The following RSRC1 variants were observed in gnomAD, a reference collection of about 807,000 sequenced individuals.
RSRC1 encodes serine/Arginine-related protein 53.
Under a neutral mutation model 49.1 loss-of-function variants are expected in RSRC1, and 39 were observed. The observed-to-expected ratio is 0.79, with a 90% CI of 0.61 to 1.04. The LOEUF (loss-of-function observed/expected upper bound fraction) is 1.04, where lower values mean the gene tolerates loss of function less well. Among genes scored for constraint, RSRC1 ranks in the 50% least tolerant of loss-of-function variants. RSRC1 has a pLI of 0.00. For synonymous variants in RSRC1, 143 were observed against 130.8 expected (o/e 1.09, Z -0.63); for missense variants, 388 against 402.4 (o/e 0.96, Z 0.31).
At chr3:158,491,574 A>T (rs1279360891) in intron 7 of RSRC1, among the ~76,000 whole-genome samples, 1 of 152,204 alleles carries the variant, frequency 6.6e-6, no homozygotes, top group East Asian at 1.9e-4. Flanking sequence ...TGTATGTTTT[A>T]ACTGATTGAC....
intron 5 of RSRC1, chr3:158,303,185 A>C (rs1429278068): frequency 6.6e-6 from 1 of 152,230 alleles, no homozygotes; most frequent in African/African-American, 2.4e-5. Context: ...GCAAACTATA[A>C]AAATGATGCT....
intron 6 of RSRC1, among the ~76,000 whole-genome samples, chr3:158,408,046 T>C (rs1734243632): frequency 6.6e-6 from 1 of 152,156 alleles, no homozygotes; most frequent in Admixed American, 6.5e-5. Context: ...TTCTTATCTG[T>C]AAAATGAGGA....
At chr3:158,241,474 T>A (rs1262309810) in intron 4 of RSRC1, among the ~76,000 whole-genome samples, 4 of 151,236 alleles carry the variant, frequency 2.6e-5, no homozygotes, top group Admixed American at 2.6e-4. Flanking sequence ...ATATATATAT[T>A]ATAAAAATAT....
chr3:158,181,204 T>A (rs1719605948), intron 3 of RSRC1, among the ~76,000 whole-genome samples: 1 of 152,162 alleles, frequency 6.6e-6, no homozygotes, highest in Non-Finnish European at 1.5e-5. Flanking sequence ...TCCTGAAAAT[T>A]TATGAAATCC....
intron 6 of RSRC1, among the ~76,000 whole-genome samples, chr3:158,447,917 A>G (rs1007835131): frequency 1.3e-5 from 2 of 151,908 alleles, no homozygotes; most frequent in Non-Finnish European, 2.9e-5. Context: ...ATTTTTAAAA[A>G]GATTGCTTAC....
intron 4 of RSRC1, among the ~76,000 whole-genome samples, chr3:158,203,778 T>C (rs1402468115): frequency 1.3e-5 from 2 of 152,194 alleles, no homozygotes; most frequent in African/African-American, 4.8e-5. Flanking sequence ...AGAGTGAGTG[T>C]ATCTGCTTAT....
chr3:158,156,999 C>T (rs1717917662), intron 3 of RSRC1, among the ~76,000 whole-genome samples: 1 of 152,160 alleles, frequency 6.6e-6, no homozygotes, highest in Non-Finnish European at 1.5e-5. Flanking sequence ...GTAAAAGTCA[C>T]AATATCTGCA....
rs145703020 is a variant in RSRC1 at position 158,241,948 on chromosome 3, A to G, written c.494+38703A>G. Among the ~76,000 whole-genome samples, 150 of 151,046 alleles carry G rather than the reference A, an allele frequency of 9.9e-4. 1 individual carries two copies. Among genetic ancestry groups the G allele is most frequent in the African/African-American group, 3.4e-3 (140 of 41,092 alleles). Reference sequence around the variant, plus strand: ...ATTTAGTGAATTTTTATGGAAGTATATACTCTTAAAATTACCATCACATGA... The same window carrying G: ...ATTTAGTGAATTTTTATGGAAGTATGTACTCTTAAAATTACCATCACATGA... On this transcript the variant is annotated intron_variant, in intron 4 of 9. Coordinates refer to ENST00000611884, the MANE Select transcript of RSRC1 (RefSeq NM_001271838.2).
intron 7 of RSRC1, among the ~76,000 whole-genome samples, chr3:158,499,342 A>G (rs1307234472): frequency 6.6e-6 from 1 of 151,976 alleles, no homozygotes; most frequent in Non-Finnish European, 1.5e-5. Flanking sequence ...GTGCCACTGC[A>G]CTCCAGCCTG....
At chr3:158,354,832 GA>G (rs775111953) in intron 5 of RSRC1, 24 bp from the exon 6 acceptor site, 5 of 1,492,406 alleles carry the variant, frequency 3.4e-6, no homozygotes, top group Admixed American at 4.5e-5. Context: ...TTGTATGGTT[GA>G]ATTTTTTTTT....
At chr3:158,211,326 A>G (rs946900480) in intron 4 of RSRC1, among the ~76,000 whole-genome samples, 4 of 151,974 alleles carry the variant, frequency 2.6e-5, no homozygotes, top group Admixed American at 1.3e-4. Flanking sequence ...CATGCCTCAT[A>G]CAAATATACA....
intron 6 of RSRC1, among the ~76,000 whole-genome samples, chr3:158,372,885 C>T (rs1271742860): frequency 3.3e-5 from 5 of 151,698 alleles, no homozygotes; most frequent in Non-Finnish European, 7.4e-5. Context: ...AGAGATTTGT[C>T]GTTTCCAGCA....
intron 3 of RSRC1, among the ~76,000 whole-genome samples, chr3:158,129,160 G>GT (rs1715826062): frequency 6.6e-6 from 1 of 151,668 alleles, no homozygotes; most frequent in Admixed American, 6.6e-5. Context: ...TCTCTCAGTG[G>GT]TTTTTTTCTG....
chr3:158,227,367 C>A (rs1222195381), intron 4 of RSRC1, among the ~76,000 whole-genome samples: 1 of 151,852 alleles, frequency 6.6e-6, no homozygotes, highest in East Asian at 1.9e-4. Context: ...CGCCGATTTT[C>A]TTCCTTTGCT....
intron 6 of RSRC1, among the ~76,000 whole-genome samples, chr3:158,434,857 G>GAAT (rs1735965164): frequency 6.6e-6 from 1 of 151,870 alleles, no homozygotes; most frequent in African/African-American, 2.4e-5. Flanking sequence ...TCACATGGGG[G>GAAT]TAAAGTTTTT....
At chr3:158,442,328 C>T (rs532560592) in intron 6 of RSRC1, among the ~76,000 whole-genome samples, 1 of 152,154 alleles carries the variant, frequency 6.6e-6, no homozygotes, top group Admixed American at 6.6e-5. Flanking sequence ...AGTCAATCCT[C>T]TCAAACTGTG....
rs1697986839 is a variant in RSRC1 at position 158,539,126 on chromosome 3, T to C, written c.759+1928T>C. Among the ~76,000 whole-genome samples, 1 of 151,964 alleles carries C rather than the reference T, an allele frequency of 6.6e-6. No individual in the cohort carries two copies. Among genetic ancestry groups the C allele is most frequent in the Admixed American group, 6.6e-5 (1 of 15,238 alleles). On this transcript the variant is annotated intron_variant, in intron 8 of 9. Transcript: ENST00000611884. The surrounding 1 kb of genome is among the most constrained non-coding windows in gnomAD (Gnocchi z 4.1). ...GCAAGGATTTAACTCTCTTGAGGACTGAGTTACCCATGATCCTAGTTTCAA... is the reference window on the plus strand; with the variant it reads ...GCAAGGATTTAACTCTCTTGAGGACCGAGTTACCCATGATCCTAGTTTCAA...
chr3:158,149,182 C>G (rs1301481041), intron 3 of RSRC1, among the ~76,000 whole-genome samples: 2 of 152,144 alleles, frequency 1.3e-5, no homozygotes, highest in Non-Finnish European at 2.9e-5. Flanking sequence ...TTTATAGTTT[C>G]TTTTTACTCT....
intron 4 of RSRC1, among the ~76,000 whole-genome samples, chr3:158,219,281 C>CT (rs1559947851): frequency 6.6e-6 from 1 of 151,562 alleles, no homozygotes; most frequent in South Asian, 2.1e-4. Flanking sequence ...TTGGTTCTTC[C>CT]TTTTTTTCTT....
Sources: gnomAD v4.1 joint callset for allele counts (sites outside exome capture counted in the v4.1 genomes callset) on GRCh38, gnomAD v4.1.1 for gene constraint, Gnocchi (gnomAD v3.1) non-coding constraint, MANE v1.5 for transcripts, NCBI Gene and HGNC (gene_info 2026-07-23, HGNC 2026-07-21) for gene names.